GARIN2: variants seen among roughly 807,000 people sequenced by gnomAD.
GARIN2 encodes the protein Golgi-associated RAB2 interactor protein 2.
the GARIN2 span, among the ~76,000 whole-genome samples, chr14:67,193,994 G>T: frequency 1.5e-5 from 2 of 131,834 alleles, no homozygotes; most frequent in Admixed American, 7.6e-5. Context: ...CAGAAAGAAA[G>T]AAATTAAGTG....
the GARIN2 span, among the ~76,000 whole-genome samples, chr14:67,191,462 A>G: frequency 6.6e-6 from 1 of 152,194 alleles, no homozygotes; most frequent in Non-Finnish European, 1.5e-5. Context: ...CAGTCAGAAA[A>G]GCCAACCAAG....
the GARIN2 span, chr14:67,198,373 C>G: frequency 6.6e-7 from 1 of 1,508,672 alleles, no homozygotes; most frequent in Admixed American, 1.8e-5. Flanking sequence ...GTAATTTTCT[C>G]AAAGAAAACT....
At chr14:67,222,271 C>T in the GARIN2 span, among the ~76,000 whole-genome samples, 2 of 152,078 alleles carry the variant, frequency 1.3e-5, no homozygotes, top group African/African-American at 2.4e-5. Context: ...CCAGGTGATA[C>T]TATTTAATGT....
At chr14:67,224,259 CTTT>C in the GARIN2 span, among the ~76,000 whole-genome samples, 14 of 134,768 alleles carry the variant, frequency 1.0e-4, no homozygotes, top group African/African-American at 2.2e-4. Flanking sequence ...TCTCTCTTTT[CTTT>C]TTTTTTTTTT....
At chr14:67,199,289 A>C in the GARIN2 span, 1 of 1,604,976 alleles carries the variant, frequency 6.2e-7, no homozygotes, top group Non-Finnish European at 8.5e-7. Flanking sequence ...CATGAACATG[A>C]TCAGACTCTA....
At chr14:67,189,665 C>CT in the GARIN2 span, 2 of 152,014 alleles carry the variant, frequency 1.3e-5, no homozygotes, top group African/African-American at 4.8e-5. Flanking sequence ...GGCAGAATGT[C>CT]TATTTTTTTC....
chr14:67,212,626 TATATATA>T, the GARIN2 span, among the ~76,000 whole-genome samples: 1 of 145,236 alleles, frequency 6.9e-6, no homozygotes, highest in South Asian at 2.1e-4. Context: ...TAATATATAT[TATATATA>T]ATATATATTA....
chr14:67,198,884 G>A, the GARIN2 span: 1 of 681,828 alleles, frequency 1.5e-6, no homozygotes. Flanking sequence ...CAATGATAGG[G>A]GTCATACCTC....
chr14:67,193,454 T>G, the GARIN2 span, among the ~76,000 whole-genome samples: 421 of 143,290 alleles, frequency 2.9e-3, 3 homozygotes, highest in Admixed American at 4.3e-3. Flanking sequence ...CAGATCTCTA[T>G]ATATCTAGAT....
chr14:67,198,342 A>G, the GARIN2 span: 1 of 1,596,104 alleles, frequency 6.3e-7, no homozygotes, highest in Non-Finnish European at 8.5e-7. Context: ...TCAAGGCCTG[A>G]GTTAAGTTCC....
At chr14:67,192,298 C>G in the GARIN2 span, among the ~76,000 whole-genome samples, 5 of 152,144 alleles carry the variant, frequency 3.3e-5, no homozygotes, top group African/African-American at 1.2e-4. Context: ...ATGGAGCTAG[C>G]TCTGTGTTTC....
At chr14:67,193,695 C>A in the GARIN2 span, among the ~76,000 whole-genome samples, 1 of 147,668 alleles carries the variant, frequency 6.8e-6, no homozygotes, top group African/African-American at 2.5e-5. Flanking sequence ...ATAATCCCAG[C>A]ACTTTGGGAG....
the GARIN2 span, among the ~76,000 whole-genome samples, chr14:67,193,513 A>C: frequency 6.9e-6 from 1 of 144,340 alleles, no homozygotes; most frequent in South Asian, 2.2e-4. Flanking sequence ...ATCCATATAT[A>C]TATATCTAGA....
the GARIN2 span, among the ~76,000 whole-genome samples, chr14:67,219,003 C>A: frequency 6.6e-6 from 1 of 151,854 alleles, no homozygotes; most frequent in Non-Finnish European, 1.5e-5. Flanking sequence ...AGATGGAGCC[C>A]TAGGGCTGGA....
At chr14:67,226,422 A>G in the GARIN2 span, among the ~76,000 whole-genome samples, 13 of 149,408 alleles carry the variant, frequency 8.7e-5, no homozygotes, top group Admixed American at 2.7e-4. Context: ...GTGCAGTGGC[A>G]CAATCTTGGC....
the GARIN2 span, among the ~76,000 whole-genome samples, chr14:67,219,715 A>G: frequency 4.9e-4 from 74 of 152,352 alleles, no homozygotes; most frequent in African/African-American, 1.7e-3. Context: ...TTTTAAAGCT[A>G]TAAAAGATCT....
the GARIN2 span, among the ~76,000 whole-genome samples, chr14:67,215,507 A>T: frequency 7.6e-6 from 1 of 131,732 alleles, no homozygotes; most frequent in Non-Finnish European, 1.5e-5. Context: ...AAGTACAAAG[A>T]TTAAAAAACA....
the GARIN2 span, chr14:67,221,695 C>T: frequency 9.0e-6 from 14 of 1,562,844 alleles, no homozygotes; most frequent in South Asian, 4.7e-5. Flanking sequence ...AAAGAATGAC[C>T]GGTTATTTTA....
the GARIN2 span, chr14:67,197,171 G>A: frequency 6.6e-6 from 1 of 152,086 alleles, no homozygotes; most frequent in African/African-American, 2.4e-5. Context: ...TCAAGTAAGC[G>A]GCCCATCTTG....
Sources: allele counts gnomAD v4.1 joint callset (sites outside exome capture counted in the v4.1 genomes callset), GRCh38; gene constraint gnomAD v4.1.1; transcripts MANE v1.5; gene names NCBI Gene and HGNC (gene_info 2026-07-23, HGNC 2026-07-21).